AFDN: variants seen among roughly 807,000 people sequenced by gnomAD.
AFDN encodes afadin.
In AFDN, 68 loss-of-function variants were observed where a neutral mutation model predicts 216.6. That is an observed-to-expected ratio of 0.31 (90% CI 0.26 to 0.38). The LOEUF is 0.38. Ranked by LOEUF, AFDN falls within the 10% of genes least tolerant of loss-of-function variation. AFDN has a pLI of 1.00. For missense variants in AFDN, 2,136 were observed against 2,342.0 expected (o/e 0.91, Z 1.82); for synonymous variants, 868 against 853.7 (o/e 1.02, Z -0.29).
At chr6:167,834,142 TA>T (rs1282745054) in intron 1 of AFDN, among the ~76,000 whole-genome samples, 14 of 152,044 alleles carry the variant, frequency 9.2e-5, no homozygotes, top group Non-Finnish European at 1.9e-4. Flanking sequence ...GAACAAGAGG[TA>T]TATGGTTACT....
intron 1 of AFDN, among the ~76,000 whole-genome samples, chr6:167,861,442 T>G (rs1045322397): frequency 6.6e-6 from 1 of 152,238 alleles, no homozygotes; most frequent in Non-Finnish European, 1.5e-5. Context: ...TACTGCCTGA[T>G]GAGGACACCA....
intron 11 of AFDN, among the ~76,000 whole-genome samples, chr6:167,899,027 T>C (rs115942721): frequency 0.01 from 1,547 of 152,244 alleles, 29 homozygotes; most frequent in African/African-American, 0.036. Flanking sequence ...TTAAGCCACT[T>C]CATTGTCTAT....
At chr6:167,967,776 C>T (rs1161864170) in intron 32 of AFDN, among the ~76,000 whole-genome samples, 2 of 152,134 alleles carry the variant, frequency 1.3e-5, no homozygotes, top group East Asian at 3.9e-4. Context: ...CCGTCTGCAC[C>T]GTGTGCAGAG....
At chr6:167,933,976 G>T (rs1241137632) in intron 23 of AFDN, among the ~76,000 whole-genome samples, 3 of 152,164 alleles carry the variant, frequency 2.0e-5, no homozygotes, top group African/African-American at 7.2e-5. Flanking sequence ...CACAGGCCAG[G>T]ACTCTGGGGA....
rs532886397 is a variant in AFDN, at chr6:167,889,435, CTTG to C, written c.1009+125_1009+127del. ...GTGTACGTTAATGTTTTTGGATGGC[CTTG>C]TTGTTGTTGTTGTTGAGACAGTCTC... On this transcript the variant is annotated intron_variant, in intron 7 of 33. Coordinates refer to ENST00000683244, the MANE Select transcript of AFDN (RefSeq NM_001386888.1). 1,228 of 768,546 alleles carry C rather than the reference CTTG, an allele frequency of 1.6e-3. 5 individuals carry two copies. The highest frequency in any genetic ancestry group is 7.3e-3 in the South Asian group (368 of 50,666). The allele number at this position is 768,546 out of a possible 1,614,324, so 47.6% of individuals were successfully genotyped here. A position where few individuals can be genotyped will look rare whatever the true frequency, so the allele number is the denominator to read the frequency against.
In AFDN at chr6:167,906,511, A is replaced by G. The variant is rs568721793; in HGVS notation, c.1651-660A>G. ...AAATTTTACATGAAATTTTTTCTAC[A>G]GTGAATTTCATTGTATAAAATTTTT... On this transcript the variant is annotated intron_variant, in intron 12 of 33. Transcript: ENST00000683244. Among the ~76,000 whole-genome samples, 10 of 152,368 alleles carry G rather than the reference A, an allele frequency of 6.6e-5. No homozygotes were observed. The East Asian group carries it at 1.9e-3, about 29-fold the overall frequency.
chr6:167,910,637 G>A (rs536794178), intron 13 of AFDN, among the ~76,000 whole-genome samples: 16 of 152,314 alleles, frequency 1.1e-4, no homozygotes, highest in African/African-American at 3.8e-4. Flanking sequence ...TGGTCAGCTT[G>A]TCTAACCCTG....
At chr6:167,959,348 C>A (rs960747077) in intron 30 of AFDN, among the ~76,000 whole-genome samples, 1 of 152,202 alleles carries the variant, frequency 6.6e-6, no homozygotes, top group Non-Finnish European at 1.5e-5. Context: ...GAGAGGACTT[C>A]AGTTTCCTAA....
intron 21 of AFDN, among the ~76,000 whole-genome samples, chr6:167,921,654 T>C (rs1021703745): frequency 6.6e-6 from 1 of 152,166 alleles, no homozygotes; most frequent in Middle Eastern, 3.2e-3. Context: ...CCAGAGCTTG[T>C]TATGGAAATG....
intron 15 of AFDN, chr6:167,911,701 A>G (rs1386155088): frequency 5.4e-6 from 3 of 552,428 alleles, no homozygotes; most frequent in African/African-American, 1.9e-5. Context: ...AAACTTCAGC[A>G]TAAGTGAAGT....
intron 1 of AFDN, among the ~76,000 whole-genome samples, chr6:167,857,194 T>C (rs917381067): frequency 6.6e-6 from 1 of 151,798 alleles, no homozygotes; most frequent in Non-Finnish European, 1.5e-5. Context: ...AGTGTTGTCA[T>C]TTCCTGTGAA....
At chr6:167,935,680 T>C (rs1793908809) in intron 23 of AFDN, among the ~76,000 whole-genome samples, 1 of 152,188 alleles carries the variant, frequency 6.6e-6, no homozygotes, top group African/African-American at 2.4e-5. Context: ...TCAAATACCA[T>C]ATTTAGGTAC....
Position 167,970,311 on chromosome 6 carries a change from T to A in AFDN, c.*376T>A. The A allele has an allele frequency of 3.8e-6, 1 of 260,372 alleles. No individual in the cohort carries two copies. The allele number at this position is 260,372 out of a possible 1,614,324, so 16.1% of individuals were successfully genotyped here. ...TCATCGACCGAGGAGCACAAAGAAG[T>A]TCTGTTTCTGTTTTTTTCAGAAACT... On this transcript the variant is annotated 3_prime_UTR_variant, in exon 34 of 34. Transcript: ENST00000683244.
At chr6:167,913,067 A>C (rs1435233495) in intron 15 of AFDN, among the ~76,000 whole-genome samples, 1 of 152,170 alleles carries the variant, frequency 6.6e-6, no homozygotes, top group African/African-American at 2.4e-5. Context: ...TATCACTGAA[A>C]GATGTTCGTT....
At position 167,917,265 on chromosome 6, in the gene AFDN, C is replaced by T. The variant is rs576454051; in HGVS notation, c.2709+33C>T. ...GATGTTGCCACATTACCACACAGTG[C>T]GGGACATGTTTGCATGGGGACATTT... On this transcript the variant is annotated intron_variant, in intron 20 of 33. Transcript: ENST00000683244. The T allele has an allele frequency of 2.8e-5, 41 of 1,469,106 alleles. No homozygotes were observed. In the South Asian group the frequency reaches 3.6e-4, roughly 13 times the overall value. 91.0% of individuals were successfully genotyped at this position (1,469,106 alleles called of 1,614,324 possible).
In AFDN at chr6:167,872,353, A is replaced by G. The variant is rs552532882; in HGVS notation, c.554A>G (p.Asp185Gly). 103 of 1,611,650 alleles carry G rather than the reference A, an allele frequency of 6.4e-5. No homozygotes were observed. The South Asian group carries it at 1.1e-3, about 17-fold the overall frequency. Residue 185 changes from aspartate (D) to glycine (G), a missense_variant, in exon 4 of 34, where the codon GAT becomes GGT. Asp to Gly is a moderately conservative substitution (Grantham distance 94, BLOSUM62 -1). This residue lies in a region of AFDN where 817 missense variants were observed against 965.7 expected (regional missense o/e 0.85). Coordinates refer to ENST00000683244, the MANE Select transcript of AFDN (RefSeq NM_001386888.1). The stretch of plus-strand genomic sequence containing the variant: ...TTGCGACAGGCATCTGATAAAGATG[A>G]TAGACCTTTCCAAGGGGAGGATGTG... ...EALRQASDKD[D>G]RPFQGEDVEN...
At chr6:167,901,326 G>C (rs1788916502) in intron 11 of AFDN, among the ~76,000 whole-genome samples, 1 of 152,064 alleles carries the variant, frequency 6.6e-6, no homozygotes, top group African/African-American at 2.4e-5. Context: ...GGTGGGGAGG[G>C]CACTCTCCAA....
chr6:167,951,877 G>A lies in AFDN; in HGVS notation c.4523G>A (p.Ser1508Asn). Residue 1508 changes from serine to asparagine, a missense_variant, in exon 30 of 34, where the codon AGC becomes AAC. Transcript: ENST00000683244. This position sits in a 1 kb window ranked among gnomAD's most constrained non-coding sequence, Gnocchi z 7.1. ...ERRDLQYITV[S>N]KEELSSGDSL... The stretch of plus-strand genomic sequence containing the variant: ...AGAGACTTGCAGTACATTACAGTCA[G>A]CAAAGAGGAGCTTTCCTCGGGGGAC... 6.2e-7 allele frequency: 1 copy of A among 1,614,012 alleles called. No homozygotes were observed. Among genetic ancestry groups the A allele is most frequent in the South Asian group, 1.1e-5 (1 of 91,084 alleles).
chr6:167,889,118 CATTTT>C (rs1787241128), intron 6 of AFDN, 92 bp from the exon 7 acceptor site: 1 of 738,380 alleles, frequency 1.4e-6, no homozygotes, highest in Non-Finnish European at 2.3e-6. Flanking sequence ...TCTACGGTGA[CATTTT>C]ATTCATTCAA....
Sources: gnomAD v4.1 joint callset for allele counts (sites outside exome capture counted in the v4.1 genomes callset) on GRCh38, gnomAD v4.1.1 for gene constraint, gnomAD v4.1.1 regional missense constraint, Gnocchi (gnomAD v3.1) non-coding constraint, MANE v1.5 for transcripts, NCBI Gene and HGNC (gene_info 2026-07-23, HGNC 2026-07-21) for gene names.